Variants in MEI1 observed in about 807,000 individuals in gnomAD.
MEI1 encodes meiosis inhibitor protein 1.
A neutral mutation model predicts 146.2 loss-of-function variants in MEI1; 103 were observed. The observed-to-expected ratio is 0.70, with a 90% confidence interval of 0.60 to 0.83. The LOEUF (loss-of-function observed/expected upper bound fraction) is 0.83. Ranked by LOEUF, MEI1 falls within the 40% of genes least tolerant of loss-of-function variation. MEI1 has a pLI of 0.00. For missense variants in MEI1, 1,529 were observed against 1,533.0 expected, an observed-to-expected ratio of 1.00 and a Z score of 0.04; for synonymous variants, 652 against 628.2, an observed-to-expected ratio of 1.04 and a Z score of -0.57.
chr22:41,792,920 A>T (rs1445411767), intron 26 of MEI1, among the ~76,000 whole-genome samples: 2 of 21,742 alleles, frequency 9.2e-5, no homozygotes, highest in Non-Finnish European at 2.8e-4. Flanking sequence ...TGTTGCTTTA[A>T]AAAAAAAAAA....
chr22:41,744,859 G>A (rs934403527), intron 12 of MEI1, 114 bp from the exon 13 acceptor site: 2 of 482,934 alleles, frequency 4.1e-6, no homozygotes, highest in Non-Finnish European at 7.1e-6. Flanking sequence ...AAAGTTAGGT[G>A]TATGGGAATG....
intron 4 of MEI1, among the ~76,000 whole-genome samples, chr22:41,714,959 T>C (rs1216846441): frequency 6.6e-6 from 1 of 152,198 alleles, no homozygotes; most frequent in Non-Finnish European, 1.5e-5. Context: ...AACTTTTTAT[T>C]TAATTTGCAG....
At chr22:41,724,894 C>G (rs546826720) in intron 7 of MEI1, among the ~76,000 whole-genome samples, 1 of 151,986 alleles carries the variant, frequency 6.6e-6, no homozygotes, top group African/African-American at 2.4e-5. Flanking sequence ...GCCTCAACCT[C>G]CTGGGCTCAA....
chr22:41,713,283 C>A (rs1028683344), intron 3 of MEI1, among the ~76,000 whole-genome samples: 1 of 152,012 alleles, frequency 6.6e-6, no homozygotes, highest in Non-Finnish European at 1.5e-5. Context: ...TTACCCTGGG[C>A]AGTACAGACC....
chr22:41,748,158 A>G lies in MEI1; in HGVS notation c.1732A>G (p.Ile578Val). Residue 578 changes from isoleucine (I) to valine (V), a missense_variant, in exon 15 of 31, where the codon ATT becomes GTT. Transcript: ENST00000401548. ...AGCTTTGATGGAAGTTTTCCTCTCA[A>G]TTCTACATAACCTCTTTGTCATCGT... ...HPALMEVFLSILHNLFVIVPH... is the reference protein window; with the variant it reads ...HPALMEVFLSVLHNLFVIVPH... 6.2e-7 allele frequency: 1 copy of G among 1,614,008 alleles called. No homozygotes were observed. Among genetic ancestry groups the G allele is most frequent in the Non-Finnish European group, 8.5e-7 (1 of 1,179,896 alleles).
intron 16 of MEI1, 130 bp from the exon 17 acceptor site, chr22:41,753,819 C>T: frequency 1.4e-6 from 1 of 701,866 alleles, no homozygotes; most frequent in African/African-American, 1.7e-5. Context: ...CCTCCTCTGC[C>T]ACGGCCATGG....
chr22:41,745,127 A>G, intron 13 of MEI1, 63 bp downstream of exon 13: 1 of 1,178,854 alleles, frequency 8.5e-7, no homozygotes, highest in East Asian at 2.9e-5. Flanking sequence ...GGATTCAGAC[A>G]ATGGGTGAAG....
chr22:41,721,262 T>TTTTTTTA (rs2070769033), intron 6 of MEI1, among the ~76,000 whole-genome samples: 1 of 132,384 alleles, frequency 7.6e-6, no homozygotes, highest in African/African-American at 3.4e-5. Context: ...TTTTTTTTTT[T>TTTTTTTA]GAGACGGAGT....
chr22:41,797,771 C>G (rs2076414185), intron 30 of MEI1, among the ~76,000 whole-genome samples: 1 of 152,012 alleles, frequency 6.6e-6, no homozygotes, highest in Non-Finnish European at 1.5e-5. Flanking sequence ...ACTTCTGGTC[C>G]CAAGAATTTT....
intron 21 of MEI1, among the ~76,000 whole-genome samples, chr22:41,777,277 T>C (rs1188050299): frequency 6.6e-6 from 1 of 151,838 alleles, no homozygotes; most frequent in East Asian, 1.9e-4. Context: ...TGCCTCAGCC[T>C]CCATAGTAGC....
At chr22:41,780,549 G>A (rs890091925) in intron 22 of MEI1, among the ~76,000 whole-genome samples, 1 of 151,730 alleles carries the variant, frequency 6.6e-6, no homozygotes, top group African/African-American at 2.4e-5. Flanking sequence ...CTTCAAGGGG[G>A]AGATGAACTT....
intron 15 of MEI1, among the ~76,000 whole-genome samples, chr22:41,749,315 G>A (rs1297898080): frequency 6.7e-6 from 1 of 149,444 alleles, no homozygotes; most frequent in African/African-American, 2.5e-5. Flanking sequence ...AGCTCTTGTT[G>A]CCCGGGCTAG....
intron 26 of MEI1, among the ~76,000 whole-genome samples, chr22:41,788,415 G>A (rs2076064818): frequency 6.6e-6 from 1 of 151,232 alleles, no homozygotes; most frequent in East Asian, 2.0e-4. Context: ...TAAACACTAG[G>A]GTGGGGTGCC....
intron 3 of MEI1, chr22:41,709,085 A>G: frequency 3.6e-6 from 2 of 560,092 alleles, no homozygotes; most frequent in East Asian, 6.8e-5. Context: ...CTTCCCCAAA[A>G]TATAACAGTG....
chr22:41,748,751 A>T (rs1351892556), intron 15 of MEI1, among the ~76,000 whole-genome samples: 1 of 152,038 alleles, frequency 6.6e-6, no homozygotes, highest in Non-Finnish European at 1.5e-5. Context: ...CTAAGGTCAC[A>T]CTATAAGTGG....
intron 5 of MEI1, 127 bp downstream of exon 5, chr22:41,716,273 C>G: frequency 1.6e-6 from 1 of 630,956 alleles, no homozygotes; most frequent in Non-Finnish European, 2.8e-6. Context: ...TTCAGTTTCC[C>G]CGTCTGCAAA....
chr22:41,738,768 C>T (rs2072602350), intron 11 of MEI1, among the ~76,000 whole-genome samples: 1 of 141,912 alleles, frequency 7.0e-6, no homozygotes, highest in Admixed American at 7.0e-5. Flanking sequence ...AAGACTCTGT[C>T]TCAAAAAAAA....
intron 11 of MEI1, among the ~76,000 whole-genome samples, chr22:41,733,726 G>T (rs925605837): frequency 6.6e-6 from 1 of 151,734 alleles, no homozygotes; most frequent in Admixed American, 6.6e-5. Context: ...ACAGAGCAAG[G>T]CTCTGTCTCA....
rs753401970 is a variant in MEI1 at position 41,732,542 on chromosome 22, G to A, written c.1270G>A (p.Val424Ile). Residue 424 changes from valine to isoleucine, a missense_variant, in exon 11 of 31, where the codon GTT (valine) becomes ATT (isoleucine). Physicochemically the swap from Val to Ile is conservative, Grantham distance 29. Transcript: ENST00000401548. Reference sequence around the variant, plus strand: ...TGCTGGCCGTGCCCTCCAAGAAGCAGTTAGCAGCCCTGTGCTGGAGGTGGC... The same window carrying A: ...TGCTGGCCGTGCCCTCCAAGAAGCAATTAGCAGCCCTGTGCTGGAGGTGGC... ...RDAGRALQEAVSSPVLEVAAE... is the reference protein window; with the variant it reads ...RDAGRALQEAISSPVLEVAAE... 20 of 1,613,772 alleles carry A rather than the reference G, an allele frequency of 1.2e-5. No homozygotes were observed. In the East Asian group the frequency reaches 3.8e-4, roughly 31 times the overall value.
Sources: allele counts gnomAD v4.1 joint callset (sites outside exome capture counted in the v4.1 genomes callset), GRCh38; gene constraint gnomAD v4.1.1; transcripts MANE v1.5; gene names NCBI Gene and HGNC (gene_info 2026-07-23, HGNC 2026-07-21).